PDE1C: variants seen among roughly 807,000 people sequenced by gnomAD.
PDE1C encodes the protein phosphodiesterase 1C.
In PDE1C, 62 loss-of-function variants were observed where a neutral mutation model predicts 93.1. The ratio of observed to expected loss-of-function variants is 0.67; its 90% CI spans 0.54 to 0.82. The LOEUF (loss-of-function observed/expected upper bound fraction) is 0.82. Among genes scored for constraint, PDE1C ranks in the 40% least tolerant of loss-of-function variants. The pLI is 0.00. For synonymous variants in PDE1C, 325 were observed against 310.1 expected, an observed-to-expected ratio of 1.05 and a Z score of -0.50; for missense variants, 742 against 884.6, an observed-to-expected ratio of 0.84 and a Z score of 2.04.
At chr7:32,174,466 G>C (rs1279060992) in intron 2 of PDE1C, among the ~76,000 whole-genome samples, 1 of 151,964 alleles carries the variant, frequency 6.6e-6, no homozygotes, top group Admixed American at 6.6e-5. Flanking sequence ...ACCACAGAGA[G>C]AACATGACAT....
intron 1 of PDE1C, among the ~76,000 whole-genome samples, chr7:32,065,477 G>A (rs917278309): frequency 4.6e-5 from 7 of 152,190 alleles, no homozygotes; most frequent in Admixed American, 4.6e-4. Flanking sequence ...GGTAGACGTA[G>A]CTTCCTTCGC....
chr7:31,723,913 T>C, the PDE1C span, among the ~76,000 whole-genome samples: 1 of 151,958 alleles, frequency 6.6e-6, no homozygotes, highest in African/African-American at 2.4e-5. Context: ...CCTCAGTCTC[T>C]CTGAGCATTT....
intron 1 of PDE1C, among the ~76,000 whole-genome samples, chr7:32,323,969 T>C (rs1441262383): frequency 6.6e-6 from 1 of 152,180 alleles, no homozygotes; most frequent in African/African-American, 2.4e-5. Context: ...TCAAGGTACA[T>C]ACAGAGCATA....
At chr7:31,981,863 G>C (rs1201917900) in intron 2 of PDE1C, among the ~76,000 whole-genome samples, 4 of 152,188 alleles carry the variant, frequency 2.6e-5, no homozygotes, top group Non-Finnish European at 5.9e-5. Context: ...AAAGAAAAAA[G>C]ACAGTTTCAT....
chr7:32,246,239 G>A (rs946088656), intron 1 of PDE1C, among the ~76,000 whole-genome samples: 4 of 152,096 alleles, frequency 2.6e-5, no homozygotes, highest in Non-Finnish European at 4.4e-5. Context: ...AAAGTGCTGG[G>A]ATTACAGGCG....
intron 1 of PDE1C, among the ~76,000 whole-genome samples, chr7:32,363,534 A>C (rs2128085887): frequency 6.6e-6 from 1 of 152,364 alleles, no homozygotes; most frequent in African/African-American, 2.4e-5. Context: ...GAATCTCAAA[A>C]TGTATTTAAA....
intron 2 of PDE1C, among the ~76,000 whole-genome samples, chr7:32,182,519 C>A (rs1562555937): frequency 6.6e-6 from 1 of 152,120 alleles, no homozygotes; most frequent in African/African-American, 2.4e-5. Context: ...AAACGTAATC[C>A]AGCACATAAA....
chr7:31,970,360 T>C (rs986610116), intron 2 of PDE1C, among the ~76,000 whole-genome samples: 5 of 152,078 alleles, frequency 3.3e-5, no homozygotes, highest in South Asian at 2.1e-4. Flanking sequence ...ACTTCTCAAA[T>C]AGTGAAAACA....
chr7:32,252,332 G>A (rs1441523995), intron 1 of PDE1C, among the ~76,000 whole-genome samples: 2 of 152,106 alleles, frequency 1.3e-5, no homozygotes, highest in Non-Finnish European at 2.9e-5. Flanking sequence ...CTTCCCTCAT[G>A]GAACATATAT....
At chr7:31,820,156 A>G (rs1788783997) in intron 14 of PDE1C, among the ~76,000 whole-genome samples, 1 of 152,126 alleles carries the variant, frequency 6.6e-6, no homozygotes, top group South Asian at 2.1e-4. Context: ...GGCCAAATAC[A>G]AGACAATATT....
intron 7 of PDE1C, among the ~76,000 whole-genome samples, chr7:31,858,945 A>C (rs1321673800): frequency 6.6e-6 from 1 of 151,828 alleles, no homozygotes; most frequent in Admixed American, 6.6e-5. Context: ...CACATATGAA[A>C]CTTTAGTGGG....
chr7:31,810,708 G>A (rs537129468), intron 15 of PDE1C, among the ~76,000 whole-genome samples: 2 of 152,092 alleles, frequency 1.3e-5, no homozygotes, highest in South Asian at 4.1e-4. Context: ...ACTCACATCT[G>A]CCACAACCAT....
chr7:31,645,669 A>G, the PDE1C span, among the ~76,000 whole-genome samples: 1 of 152,164 alleles, frequency 6.6e-6, no homozygotes, highest in Non-Finnish European at 1.5e-5. Flanking sequence ...CCCTAAGTAA[A>G]TGGTTTTCAA....
At chr7:31,843,080 C>A (rs915008003) in intron 9 of PDE1C, among the ~76,000 whole-genome samples, 4 of 151,788 alleles carry the variant, frequency 2.6e-5, no homozygotes, top group Admixed American at 2.6e-4. Flanking sequence ...CCATTAAGGT[C>A]AAAGAACATA....
intron 1 of PDE1C, among the ~76,000 whole-genome samples, chr7:32,412,201 T>C (rs1245838766): frequency 6.6e-6 from 1 of 152,152 alleles, no homozygotes; most frequent in Non-Finnish European, 1.5e-5. Context: ...ATGCCTGTAA[T>C]CTCAGCACTT....
the PDE1C span, among the ~76,000 whole-genome samples, chr7:31,727,001 C>T: frequency 3.3e-5 from 5 of 151,936 alleles, no homozygotes; most frequent in African/African-American, 1.2e-4. Context: ...ATGCCATTGC[C>T]CTCCAGCCTG....
chr7:31,790,077 T>C (rs1784402894), intron 16 of PDE1C: 7 of 1,439,730 alleles, frequency 4.9e-6, no homozygotes, highest in Non-Finnish European at 6.4e-6. Context: ...TGGAAGGAGA[T>C]GGTGTGAGGG....
chr7:31,976,872 C>T (rs1404857504), intron 2 of PDE1C, among the ~76,000 whole-genome samples: 1 of 152,166 alleles, frequency 6.6e-6, no homozygotes, highest in Non-Finnish European at 1.5e-5. Flanking sequence ...TCATTATCTG[C>T]CACTGACCAA....
the PDE1C span, chr7:31,707,495 A>G: frequency 1.9e-6 from 1 of 518,336 alleles, no homozygotes; most frequent in Admixed American, 3.7e-5. Flanking sequence ...TGTGTTTTGA[A>G]TTTTTATTTT....
Sources: allele counts gnomAD v4.1 joint callset (sites outside exome capture counted in the v4.1 genomes callset), GRCh38; gene constraint gnomAD v4.1.1; transcripts MANE v1.5; gene names NCBI Gene and HGNC (gene_info 2026-07-23, HGNC 2026-07-21).